ELP2: variants seen among roughly 807,000 people sequenced by gnomAD.
ELP2 encodes the protein elongator acetyltransferase complex subunit 2, also known as elongator complex protein 2.
A neutral mutation model predicts 119.2 loss-of-function variants in ELP2; 90 were observed. The observed-to-expected ratio is 0.75, with a 90% confidence interval of 0.64 to 0.90. ELP2 has a LOEUF of 0.90. Among genes scored for constraint, ELP2 ranks in the 40% least tolerant of loss-of-function variants. The pLI, the probability that ELP2 is intolerant of heterozygous loss-of-function variation, is 0.00. For missense variants in ELP2, 921 were observed against 967.8 expected, an observed-to-expected ratio of 0.95 and a Z score of 0.64; for synonymous variants, 339 against 331.0, an observed-to-expected ratio of 1.02 and a Z score of -0.26.
At chr18:36,134,891 A>C (rs982809819) in intron 2 of ELP2, among the ~76,000 whole-genome samples, 10 of 152,198 alleles carry the variant, frequency 6.6e-5, no homozygotes, top group African/African-American at 2.4e-4. Context: ...CACTCATTTG[A>C]GGGCATTTTG....
At chr18:36,150,092 A>G (rs2090349803) in intron 11 of ELP2, among the ~76,000 whole-genome samples, 1 of 152,140 alleles carries the variant, frequency 6.6e-6, no homozygotes, top group African/African-American at 2.4e-5. Context: ...AGACCCATTT[A>G]TAGCTCCCCA....
chr18:36,160,099 C>T (rs1195383549), intron 16 of ELP2, 84 bp downstream of exon 16: 38 of 1,278,840 alleles, frequency 3.0e-5, no homozygotes, highest in Non-Finnish European at 4.3e-5. Flanking sequence ...CTGATGTCTC[C>T]TTTTTCTTCC....
chr18:36,170,908 C>T (rs187703262), intron 20 of ELP2, 139 bp from the exon 21 acceptor site: 1 of 710,630 alleles, frequency 1.4e-6, no homozygotes, highest in African/African-American at 1.7e-5. Flanking sequence ...AGCAGTGCAG[C>T]ATGTCCTGGG....
intron 1 of ELP2, among the ~76,000 whole-genome samples, 155 bp from the exon 2 acceptor site, chr18:36,133,083 A>G (rs987464104): frequency 6.6e-6 from 1 of 152,244 alleles, no homozygotes; most frequent in African/African-American, 2.4e-5. Context: ...GACTTAAGCC[A>G]TGGTTAAAAG....
chr18:36,140,045 T>G (rs2089967342), intron 5 of ELP2, among the ~76,000 whole-genome samples: 2 of 152,122 alleles, frequency 1.3e-5, no homozygotes, highest in South Asian at 4.1e-4. Context: ...GGTCTGTTTA[T>G]GTTGCCCAGG....
Position 36,156,473 on chromosome 18 carries a change from G to T in ELP2, c.1283G>T (p.Trp428Leu). 1 of 1,613,990 alleles carries T rather than the reference G, an allele frequency of 6.2e-7. No individual in the cohort carries two copies. Among genetic ancestry groups the T allele is most frequent in the South Asian group, 1.1e-5 (1 of 91,080 alleles). The change falls in exon 13 of 22, where the codon TGG becomes TTG. Residue 428 changes from tryptophan (W) to leucine (L), a missense_variant. Trp to Leu is a moderately conservative substitution (Grantham distance 61, BLOSUM62 -2). Coordinates refer to ENST00000358232, the MANE Select transcript of ELP2 (RefSeq NM_018255.4). ...WKRKDQSQVT[W>L]HEIARPQIHG... is the part of the protein sequence containing the mutation. Reference sequence around the variant, plus strand: ...TTATCCCGTTTTACCCAGGTGACTTGGCATGAAATTGCAAGGCCTCAGATA... The same window carrying T: ...TTATCCCGTTTTACCCAGGTGACTTTGCATGAAATTGCAAGGCCTCAGATA...
Position 36,166,319 on chromosome 18 carries a change from G to GTTTTTTTTTT in ELP2, c.1955-763_1955-754dup, listed in dbSNP as rs60477950. Reference sequence around the variant, plus strand: ...AGTTATGTGGTTTTTGTTTTTTAGGGTTTTTTTTTTTTTTTTTTTTTTTTT... The same window carrying GTTTTTTTTTT: ...AGTTATGTGGTTTTTGTTTTTTAGGGTTTTTTTTTTTTTTTTTTTTTTTTTTTTTTTTTTT... On this transcript the variant is annotated intron_variant, in intron 18 of 21. Coordinates refer to ENST00000358232, the MANE Select transcript of ELP2 (RefSeq NM_018255.4). 2.9e-3 allele frequency among the ~76,000 whole-genome samples: 211 copies of GTTTTTTTTTT among 71,670 alleles called. 35 individuals carry two copies. The highest frequency in any genetic ancestry group is 0.011 in the African/African-American group (197 of 17,950). The allele number at this position is 71,670 out of a possible 152,430, so 47.0% of individuals were successfully genotyped here.
At chr18:36,163,556 G>A (rs1468784355) in intron 17 of ELP2, among the ~76,000 whole-genome samples, 1 of 151,730 alleles carries the variant, frequency 6.6e-6, no homozygotes. Context: ...TTTCTGCTGT[G>A]TTTTGTTCTA....
intron 11 of ELP2, among the ~76,000 whole-genome samples, chr18:36,149,964 G>A (rs1454812223): frequency 2.0e-5 from 3 of 152,188 alleles, no homozygotes; most frequent in Non-Finnish European, 4.4e-5. Flanking sequence ...AGAAATGATG[G>A]TCGGCCATCC....
chr18:36,147,701 G>A (rs1471365924), intron 11 of ELP2, among the ~76,000 whole-genome samples: 1 of 152,146 alleles, frequency 6.6e-6, no homozygotes, highest in Non-Finnish European at 1.5e-5. Flanking sequence ...GGGATTACAG[G>A]CGTGAGCCAC....
intron 11 of ELP2, among the ~76,000 whole-genome samples, chr18:36,146,982 C>T (rs1478576179): frequency 6.6e-6 from 1 of 152,102 alleles, no homozygotes; most frequent in East Asian, 1.9e-4. Flanking sequence ...AGAGCACAGG[C>T]CCTTGGAGCT....
intron 11 of ELP2, among the ~76,000 whole-genome samples, chr18:36,152,127 G>A (rs2090424008): frequency 2.0e-5 from 3 of 151,196 alleles, no homozygotes; most frequent in Admixed American, 2.0e-4. Flanking sequence ...TGGGAGGGAG[G>A]GTGAGGCTGC....
At chr18:36,171,723 T>G (rs890831687) in intron 21 of ELP2, among the ~76,000 whole-genome samples, 2 of 152,084 alleles carry the variant, frequency 1.3e-5, no homozygotes, top group Admixed American at 6.6e-5. Flanking sequence ...TTTATTCTTT[T>G]TGTGTGTGTG....
In ELP2 at chr18:36,178,865, G is replaced by C. The variant is rs1009239810; in HGVS notation, c.*4224G>C. 3 of 152,118 alleles carry C rather than the reference G, an allele frequency of 2.0e-5. No individual in the cohort carries two copies. The highest frequency in any genetic ancestry group is 7.2e-5 in the African/African-American group (3 of 41,422). 9.4% of individuals were successfully genotyped at this position (152,118 alleles called of 1,614,324 possible). On this transcript the variant is annotated 3_prime_UTR_variant, in exon 22 of 22. Coordinates refer to ENST00000358232, the MANE Select transcript of ELP2 (RefSeq NM_018255.4). ...TTTAGATGTGTGGATTATTAATGAA[G>C]CTGGGCAGTGTTGGGGTGGTCATAC...
Position 36,161,061 on chromosome 18 carries a change from C to T in ELP2, c.1761+57C>T, listed in dbSNP as rs1027837141. 5.4e-6 allele frequency: 7 copies of T among 1,295,692 alleles called. No homozygotes were observed. In the African/African-American group the frequency reaches 5.8e-5, roughly 11 times the overall value. 80.3% of individuals were successfully genotyped at this position (1,295,692 alleles called of 1,614,324 possible). A position where few individuals can be genotyped will look rare whatever the true frequency, so the allele number is the denominator to read the frequency against. On this transcript the variant is annotated intron_variant, in intron 17 of 21. Coordinates refer to ENST00000358232, the MANE Select transcript of ELP2 (RefSeq NM_018255.4). ...CACAGGTTATTTGGGTCATCAGGCT[C>T]CTGCAAGTTTGGTAATGATTTAGGC...
chr18:36,149,478 G>GTT (rs1239631733), intron 11 of ELP2, among the ~76,000 whole-genome samples: 6,915 of 64,230 alleles, frequency 0.11, 428 homozygotes, highest in East Asian at 0.17. Flanking sequence ...AGGGTTTTTT[G>GTT]TTTTGTTTTG....
At chr18:36,130,267 C>T (rs2089557807) in intron 1 of ELP2, among the ~76,000 whole-genome samples, 196 bp downstream of exon 1, 1 of 152,296 alleles carries the variant, frequency 6.6e-6, no homozygotes, top group Non-Finnish European at 1.5e-5. Context: ...CCGTCTCACG[C>T]GTGGCGTCAT....
chr18:36,163,275 G>GCGTGTGT (rs1555644860), intron 17 of ELP2, among the ~76,000 whole-genome samples: 1 of 145,360 alleles, frequency 6.9e-6, no homozygotes, highest in Non-Finnish European at 1.5e-5. Context: ...GTTCATGGGG[G>GCGTGTGT]GTGTGTGTGT....
chr18:36,160,347 G>C (rs957956461), intron 16 of ELP2, among the ~76,000 whole-genome samples: 16 of 152,230 alleles, frequency 1.1e-4, no homozygotes, highest in African/African-American at 3.6e-4. Context: ...GGCCGTAGCA[G>C]GAGGATCACT....
Sources: allele counts gnomAD v4.1 joint callset (sites outside exome capture counted in the v4.1 genomes callset), GRCh38; gene constraint gnomAD v4.1.1; transcripts MANE v1.5; gene names NCBI Gene and HGNC (gene_info 2026-07-23, HGNC 2026-07-21).